The following DPY19L4 variants were observed in gnomAD, a reference collection of about 807,000 sequenced individuals.
DPY19L4 encodes probable C-mannosyltransferase DPY19L4.
Under a neutral mutation model 102.8 loss-of-function variants are expected in DPY19L4, and 97 were observed. That is an observed-to-expected ratio of 0.94 (90% CI 0.80 to 1.12). DPY19L4 has a LOEUF of 1.12. Ranked by LOEUF, DPY19L4 falls within the 50% of genes most tolerant of loss-of-function variation. The pLI is 0.00. For synonymous variants in DPY19L4, 252 were observed against 283.1 expected, an observed-to-expected ratio of 0.89 and a Z score of 1.10; for missense variants, 815 against 850.4, an observed-to-expected ratio of 0.96 and a Z score of 0.52.
chr8:94,753,444 G>T (rs1043250238), intron 6 of DPY19L4, among the ~76,000 whole-genome samples: 3 of 152,168 alleles, frequency 2.0e-5, no homozygotes, highest in Admixed American at 2.0e-4. Flanking sequence ...AAATATTTAA[G>T]TGTAATTATT....
At chr8:94,751,813 A>C (rs4735318) in intron 6 of DPY19L4, among the ~76,000 whole-genome samples, 4 of 151,964 alleles carry the variant, frequency 2.6e-5, no homozygotes, top group Admixed American at 6.6e-5. Context: ...GTCTCTATAG[A>C]TTAGTTTGTG....
chr8:94,751,362 C>G (rs1017401950), intron 6 of DPY19L4, among the ~76,000 whole-genome samples: 1 of 152,078 alleles, frequency 6.6e-6, no homozygotes, highest in African/African-American at 2.4e-5. Context: ...TCATGATCCA[C>G]CCGCCTCAGC....
At chr8:94,738,308 G>C (rs1316645381) in intron 3 of DPY19L4, 61 bp from the exon 4 acceptor site, 2 of 894,864 alleles carry the variant, frequency 2.2e-6, no homozygotes, top group Non-Finnish European at 1.4e-6. Context: ...GACAGAGCGA[G>C]ACTCTGTCTC....
chr8:94,741,417 G>A (rs1031771950), intron 6 of DPY19L4, among the ~76,000 whole-genome samples: 7 of 152,078 alleles, frequency 4.6e-5, no homozygotes, highest in African/African-American at 1.7e-4. Context: ...ATTTTCATTA[G>A]CTACATTCTT....
At chr8:94,774,363 A>T (rs981052084) in intron 13 of DPY19L4, among the ~76,000 whole-genome samples, 3 of 151,232 alleles carry the variant, frequency 2.0e-5, no homozygotes, top group Non-Finnish European at 4.4e-5. Flanking sequence ...AAGTTTTTTT[A>T]AAATTATGAT....
intron 12 of DPY19L4, among the ~76,000 whole-genome samples, chr8:94,769,459 TAC>T (rs1168690741): frequency 2.0e-5 from 3 of 152,242 alleles, no homozygotes; most frequent in Non-Finnish European, 2.9e-5. Context: ...GTTAAACTTT[TAC>T]AGACTGATTC....
chr8:94,751,365 G>A (rs1342902581), intron 6 of DPY19L4, among the ~76,000 whole-genome samples: 14 of 151,922 alleles, frequency 9.2e-5, no homozygotes, highest in Non-Finnish European at 1.3e-4. Flanking sequence ...TGATCCACCC[G>A]CCTCAGCCTC....
chr8:94,738,342 T>C, intron 3 of DPY19L4, 27 bp from the exon 4 acceptor site: 1 of 1,374,034 alleles, frequency 7.3e-7, no homozygotes, highest in African/African-American at 1.5e-5. Flanking sequence ...AAATTAAATT[T>C]TAAATAATAA....
At chr8:94,763,519 T>G (rs1354067936) in intron 8 of DPY19L4, among the ~76,000 whole-genome samples, 1 of 77,042 alleles carries the variant, frequency 1.3e-5, no homozygotes, top group Non-Finnish European at 2.6e-5. Context: ...TTTTCTTTTC[T>G]TTTTTTTTTT....
chr8:94,735,785 A>G (rs1353706825), intron 3 of DPY19L4, among the ~76,000 whole-genome samples: 2 of 152,182 alleles, frequency 1.3e-5, no homozygotes, highest in Non-Finnish European at 2.9e-5. Flanking sequence ...ACCCCACTTT[A>G]AAATCCGAAT....
chr8:94,784,529 A>G (rs973573927), intron 17 of DPY19L4, among the ~76,000 whole-genome samples: 3 of 152,086 alleles, frequency 2.0e-5, no homozygotes, highest in Admixed American at 6.6e-5. Context: ...CCCGGGTTCA[A>G]GTGATTCTTC....
In DPY19L4 at chr8:94,784,280, G is replaced by A. The variant is rs192445093; in HGVS notation, c.1848+478G>A. On this transcript the variant is annotated intron_variant, in intron 17 of 18. Coordinates refer to ENST00000414645, the MANE Select transcript of DPY19L4 (RefSeq NM_181787.3). ...GGCTGGAGTACAGTGGCGCAATCTC[G>A]GCTCACTGCAACCTCTGCTTCCTGG... 4.6e-3 allele frequency among the ~76,000 whole-genome samples: 676 copies of A among 147,792 alleles called. 8 individuals are homozygous for A. Among genetic ancestry groups the A allele is most frequent in the African/African-American group, 0.016 (624 of 39,952 alleles).
At chr8:94,738,019 C>CA (rs1223216579) in intron 3 of DPY19L4, among the ~76,000 whole-genome samples, 1 of 150,466 alleles carries the variant, frequency 6.6e-6, no homozygotes, top group East Asian at 2.0e-4. Flanking sequence ...CTCTTAAAAA[C>CA]AAAAAACTTA....
chr8:94,752,668 G>A (rs1339151930), intron 6 of DPY19L4, among the ~76,000 whole-genome samples: 2 of 138,544 alleles, frequency 1.4e-5, no homozygotes, highest in African/African-American at 2.7e-5. Flanking sequence ...ATTTTTTTAC[G>A]ATTTTTTTTT....
Position 94,771,189 on chromosome 8 carries a change from A to G in DPY19L4, c.1454+618A>G, listed in dbSNP as rs139170908. On this transcript the variant is annotated intron_variant, in intron 13 of 18. Transcript: ENST00000414645. ...CTTGGCCTCCCAAAGTGTTGGGATT[A>G]CAGGCGTGAGCCACCGCACCCAGCA... is the stretch of plus-strand genomic sequence containing the variant. Among the ~76,000 whole-genome samples the G allele has an allele frequency of 2.6e-5, 4 of 152,274 alleles. No individual in the cohort carries two copies. The East Asian group carries it at 7.8e-4, about 30-fold the overall frequency.
chr8:94,763,313 T>C (rs555259891), intron 8 of DPY19L4, among the ~76,000 whole-genome samples: 81 of 150,166 alleles, frequency 5.4e-4, no homozygotes, highest in African/African-American at 1.9e-3. Flanking sequence ...TTTTTCTGTC[T>C]TTTTGTTTGT....
At chr8:94,788,668 C>CA (rs1563621735) in intron 18 of DPY19L4, among the ~76,000 whole-genome samples, 4 of 152,106 alleles carry the variant, frequency 2.6e-5, no homozygotes, top group African/African-American at 7.3e-5. Context: ...TCTTCCCCCC[C>CA]AGCCCCCATG....
At chr8:94,779,994 G>A (rs2130927619) in intron 14 of DPY19L4, among the ~76,000 whole-genome samples, 1 of 151,644 alleles carries the variant, frequency 6.6e-6, no homozygotes, top group South Asian at 2.1e-4. Flanking sequence ...TGTTTTTTTT[G>A]TTGTTAGCTT....
chr8:94,732,225 TA>T (rs534714212), intron 2 of DPY19L4, among the ~76,000 whole-genome samples: 29 of 151,578 alleles, frequency 1.9e-4, no homozygotes, highest in Admixed American at 3.9e-4. Context: ...TTAGTTTAGC[TA>T]AAAAAAAATC....
Sources: allele counts gnomAD v4.1 joint callset (sites outside exome capture counted in the v4.1 genomes callset), GRCh38; gene constraint gnomAD v4.1.1; transcripts MANE v1.5; gene names NCBI Gene and HGNC (gene_info 2026-07-23, HGNC 2026-07-21).